The following MAP2K5 variants were observed in gnomAD, a reference collection of about 807,000 sequenced individuals.
MAP2K5 encodes the protein dual specificity mitogen-activated protein kinase kinase 5.
MAP2K5 carries 49 observed loss-of-function variants against 83.1 expected under a neutral mutation model. The observed-to-expected ratio is 0.59, with a 90% CI of 0.47 to 0.75. The LOEUF is 0.75. MAP2K5 is among the 30% of genes least tolerant of loss of function. MAP2K5 has a pLI of 0.00. For missense variants in MAP2K5, 457 were observed against 557.5 expected, an observed-to-expected ratio of 0.82 and a Z score of 1.82; for synonymous variants, 202 against 191.8, an observed-to-expected ratio of 1.05 and a Z score of -0.44.
intron 17 of MAP2K5, among the ~76,000 whole-genome samples, chr15:67,743,371 C>G (rs146880570): frequency 6.6e-6 from 1 of 152,168 alleles, no homozygotes; most frequent in Non-Finnish European, 1.5e-5. Context: ...TGAGCAAGGA[C>G]AGAGGCTGAT....
In MAP2K5 at chr15:67,555,982, C is replaced by T. The variant is rs752982041; in HGVS notation, c.184+5900C>T. Among the ~76,000 whole-genome samples, 3 of 152,068 alleles carry T rather than the reference C, an allele frequency of 2.0e-5. No homozygotes were observed. Among genetic ancestry groups the T allele is most frequent in the Admixed American group, 2.0e-4 (3 of 15,250 alleles). ...TGTATTTTTAGTAGATACGGGGTTT[C>T]ACCATGTTGACCAGACTGGTCTCAA... On this transcript the variant is annotated intron_variant, in intron 2 of 21. Transcript: ENST00000178640. This position sits in a 1 kb window ranked among gnomAD's most constrained non-coding sequence, Gnocchi z 5.2.
At chr15:67,694,909 C>T (rs2088209799) in intron 15 of MAP2K5, among the ~76,000 whole-genome samples, 2 of 152,242 alleles carry the variant, frequency 1.3e-5, no homozygotes, top group African/African-American at 2.4e-5. Flanking sequence ...CACATATACA[C>T]CATGGAATAC....
rs1328729766 is a variant in MAP2K5 at position 67,806,750 on chromosome 15, A to G, written c.1347A>G (p.Ter449TrpextTer12). The G allele has an allele frequency of 6.4e-7, 1 of 1,557,626 alleles. No individual in the cohort carries two copies. Among genetic ancestry groups the G allele is most frequent in the South Asian group, 1.2e-5 (1 of 84,916 alleles). ...EERRSQQGPP[*>W] Reference sequence around the variant, plus strand: ...GGCGGAGCCAGCAGGGGCCCCCGTGAGGCTGCCGCAGGGCACTGAAAGCCC... The same window carrying G: ...GGCGGAGCCAGCAGGGGCCCCCGTGGGGCTGCCGCAGGGCACTGAAAGCCC... The change falls in exon 22 of 22, where the codon TGA (stop) becomes TGG (tryptophan). Residue 449 changes from the stop codon to tryptophan, a stop_lost. Coordinates refer to ENST00000178640, the MANE Select transcript of MAP2K5 (RefSeq NM_145160.3).
At chr15:67,642,646 A>C (rs1366175546) in intron 9 of MAP2K5, 1 of 648,214 alleles carries the variant, frequency 1.5e-6, no homozygotes, top group African/African-American at 1.8e-5. Context: ...AAAGCACAGG[A>C]TATGTGTGTA....
In MAP2K5 at chr15:67,774,339, T is replaced by C. The variant is rs1458683259; in HGVS notation, c.1242+1587T>C. ...TGTTGTCACAGGAAGCACCATTCCATACTTAATTTAACATTATTTCTAGTA... is the reference window on the plus strand; with the variant it reads ...TGTTGTCACAGGAAGCACCATTCCACACTTAATTTAACATTATTTCTAGTA... On this transcript the variant is annotated intron_variant, in intron 21 of 21. Transcript: ENST00000178640. The surrounding 1 kb of genome is among the most constrained non-coding windows in gnomAD (Gnocchi z 4.9). Among the ~76,000 whole-genome samples, 1 of 152,196 alleles carries C rather than the reference T, an allele frequency of 6.6e-6. No homozygotes were observed. The highest frequency in any genetic ancestry group is 1.5e-5 in the Non-Finnish European group (1 of 68,030).
At chr15:67,756,562 T>TGTGTGTGTG (rs10678847) in intron 19 of MAP2K5, among the ~76,000 whole-genome samples, 2 of 61,838 alleles carry the variant, frequency 3.2e-5, no homozygotes, top group African/African-American at 1.3e-4. Context: ...TGTGTGTGTG[T>TGTGTGTGTG]TGATAACACT....
intron 11 of MAP2K5, among the ~76,000 whole-genome samples, chr15:67,655,687 T>C (rs148318366): frequency 6.6e-6 from 1 of 152,298 alleles, no homozygotes; most frequent in East Asian, 1.9e-4. Context: ...TGTGTATAGA[T>C]GTAGATCTCT....
intron 21 of MAP2K5, among the ~76,000 whole-genome samples, chr15:67,797,691 C>CT (rs1001890264): frequency 6.4e-4 from 97 of 150,944 alleles, no homozygotes; most frequent in African/African-American, 2.2e-3. Context: ...TTCATTGGTT[C>CT]TTTTTTTTTG....
chr15:67,588,501 A>G (rs2141006459), intron 6 of MAP2K5, among the ~76,000 whole-genome samples: 1 of 152,362 alleles, frequency 6.6e-6, no homozygotes. Flanking sequence ...CCTGTCCTCC[A>G]GTAGATTCTA....
At chr15:67,632,632 A>G (rs527361657) in intron 9 of MAP2K5, among the ~76,000 whole-genome samples, 7 of 152,338 alleles carry the variant, frequency 4.6e-5, no homozygotes, top group East Asian at 1.9e-4. Context: ...ATCTTCATCT[A>G]TCTTTTCATG....
chr15:67,739,356 T>A (rs1354112935), intron 17 of MAP2K5, among the ~76,000 whole-genome samples: 1 of 146,298 alleles, frequency 6.8e-6, no homozygotes, highest in Non-Finnish European at 1.5e-5. Flanking sequence ...TTTGTTTAAA[T>A]CTATTTTGAA....
At chr15:67,626,029 C>T (rs966438209) in intron 8 of MAP2K5, among the ~76,000 whole-genome samples, 1 of 152,170 alleles carries the variant, frequency 6.6e-6, no homozygotes, top group African/African-American at 2.4e-5. Context: ...GATCTTTTTA[C>T]AACTTTTGAA....
intron 16 of MAP2K5, among the ~76,000 whole-genome samples, chr15:67,707,145 G>C (rs371743080): frequency 2.0e-4 from 31 of 152,288 alleles, no homozygotes; most frequent in African/African-American, 7.5e-4. Context: ...TCGATCTCCT[G>C]ACCTTGTGAT....
rs973921882 is a variant in MAP2K5, at chr15:67,794,873, A to T, written c.1243-11773A>T. Among the ~76,000 whole-genome samples, 1 of 152,244 alleles carries T rather than the reference A, an allele frequency of 6.6e-6. No individual in the cohort carries two copies. The highest frequency in any genetic ancestry group is 6.5e-5 in the Admixed American group (1 of 15,284). On this transcript the variant is annotated intron_variant, in intron 21 of 21. Coordinates refer to ENST00000178640, the MANE Select transcript of MAP2K5 (RefSeq NM_145160.3). This position sits in a 1 kb window ranked among gnomAD's most constrained non-coding sequence, Gnocchi z 4.6. ...TTAAAGGGGTAGCAGCCTTTACTTA[A>T]TTGGCTGCTTCTTGAAATAAGATGA...
intron 19 of MAP2K5, among the ~76,000 whole-genome samples, chr15:67,767,701 C>T (rs188457226): frequency 2.5e-4 from 38 of 152,266 alleles, no homozygotes; most frequent in Admixed American, 6.5e-4. Flanking sequence ...CTCTTCAAAC[C>T]GATGGGACTT....
chr15:67,589,606 A>G (rs2085354726), intron 6 of MAP2K5, among the ~76,000 whole-genome samples: 1 of 152,266 alleles, frequency 6.6e-6, no homozygotes, highest in African/African-American at 2.4e-5. Context: ...CTATAAATGC[A>G]ATGAATCAAA....
chr15:67,623,888 C>T (rs2086247628), intron 8 of MAP2K5, among the ~76,000 whole-genome samples: 1 of 151,206 alleles, frequency 6.6e-6, no homozygotes, highest in Non-Finnish European at 1.5e-5. Context: ...TGAGCCACCG[C>T]CCCCGGCTAC....
At chr15:67,593,180 C>T (rs1232179691) in intron 7 of MAP2K5, among the ~76,000 whole-genome samples, 1 of 152,162 alleles carries the variant, frequency 6.6e-6, no homozygotes, top group Admixed American at 6.5e-5. Context: ...ATTGAAGTAC[C>T]ATGCACACAC....
At chr15:67,597,446 G>T (rs913761089) in intron 7 of MAP2K5, among the ~76,000 whole-genome samples, 1 of 152,162 alleles carries the variant, frequency 6.6e-6, no homozygotes, top group Non-Finnish European at 1.5e-5. Flanking sequence ...TATACTGAAA[G>T]ACTGAGTTTT....
Sources: gnomAD v4.1 joint callset for allele counts (sites outside exome capture counted in the v4.1 genomes callset) on GRCh38, gnomAD v4.1.1 for gene constraint, Gnocchi (gnomAD v3.1) non-coding constraint, MANE v1.5 for transcripts, NCBI Gene and HGNC (gene_info 2026-07-23, HGNC 2026-07-21) for gene names.